NLGN1: variants seen among roughly 807,000 people sequenced by gnomAD.
NLGN1 encodes neuroligin 1, also known as neuroligin-1.
In NLGN1, 12 loss-of-function variants were observed where a neutral mutation model predicts 65.5. That is an observed-to-expected ratio of 0.18 (90% CI 0.12 to 0.30). The LOEUF (loss-of-function observed/expected upper bound fraction) is 0.30. Among genes scored for constraint, NLGN1 ranks in the 10% least tolerant of loss-of-function variants. NLGN1 has a pLI of 1.00. For synonymous variants in NLGN1, 350 were observed against 359.5 expected, an observed-to-expected ratio of 0.97 and a Z score of 0.30; for missense variants, 750 against 1,007.1, an observed-to-expected ratio of 0.74 and a Z score of 3.46.
At chr3:173,866,674 A>C (rs1473273486) in intron 4 of NLGN1, among the ~76,000 whole-genome samples, 1 of 152,202 alleles carries the variant, frequency 6.6e-6, no homozygotes, top group African/African-American at 2.4e-5. Flanking sequence ...TTTTATATAA[A>C]AAGAAATCTC....
At chr3:174,199,712 A>C (rs1734093415) in intron 4 of NLGN1, among the ~76,000 whole-genome samples, 1 of 152,176 alleles carries the variant, frequency 6.6e-6, no homozygotes, top group South Asian at 2.1e-4. Context: ...TGGTGCCATA[A>C]ATTCCATTTT....
intron 4 of NLGN1, among the ~76,000 whole-genome samples, chr3:174,071,642 A>G (rs533792444): frequency 9.3e-5 from 14 of 151,008 alleles, no homozygotes; most frequent in Admixed American, 8.6e-4. Context: ...GGAGGAGAAG[A>G]TTGCAGTGAG....
At chr3:173,788,295 T>C (rs533740166) in intron 3 of NLGN1, among the ~76,000 whole-genome samples, 1 of 151,036 alleles carries the variant, frequency 6.6e-6, no homozygotes, top group Admixed American at 6.6e-5. Flanking sequence ...AAATATTAAA[T>C]AGTAAATGGA....
chr3:173,616,061 G>A (rs1368877933), intron 3 of NLGN1, among the ~76,000 whole-genome samples: 24 of 151,990 alleles, frequency 1.6e-4, no homozygotes, highest in Admixed American at 1.5e-3. Context: ...AGGAAAGGAG[G>A]CAAGGGGCAT....
At chr3:174,239,982 T>C (rs1190549727) in intron 4 of NLGN1, among the ~76,000 whole-genome samples, 1 of 152,162 alleles carries the variant, frequency 6.6e-6, no homozygotes, top group East Asian at 1.9e-4. Flanking sequence ...CCCCAGAATA[T>C]AATTTTTAGA....
chr3:173,659,622 T>TTA (rs1021893133), intron 3 of NLGN1, among the ~76,000 whole-genome samples: 4 of 151,798 alleles, frequency 2.6e-5, no homozygotes, highest in Non-Finnish European at 5.9e-5. Context: ...ATTGGGTTTA[T>TTA]TATATATATA....
rs142968370 is a variant in NLGN1, at chr3:173,491,737, G to A, written c.-321+56659G>A. ...ATGACTTCCATATCTATATCTCTAG[G>A]ATGGTTCTTATTTTCCTTGATACGT... On this transcript the variant is annotated intron_variant, in intron 2 of 6. Coordinates refer to ENST00000457714, the Ensembl canonical transcript of NLGN1. 5.3e-4 allele frequency among the ~76,000 whole-genome samples: 80 copies of A among 151,698 alleles called. 1 individual carries two copies. The highest frequency in any genetic ancestry group is 1.9e-3 in the African/African-American group (77 of 41,136).
Position 174,036,499 on chromosome 3 carries a change from G to A in NLGN1, c.646+228667G>A, listed in dbSNP as rs151270681. Among the ~76,000 whole-genome samples, 191 of 151,500 alleles carry A rather than the reference G, an allele frequency of 1.3e-3. 2 individuals are homozygous for A. The highest frequency in any genetic ancestry group is 4.4e-3 in the South Asian group (21 of 4,794). On this transcript the variant is annotated intron_variant, in intron 4 of 6. Coordinates refer to ENST00000457714, the Ensembl canonical transcript of NLGN1. ...ATTAAGTTACAAGCTTGGAGGCCAC[G>A]AACTCCTTGGAAGAGATAGTAGGGA...
At chr3:174,163,027 G>A (rs1245898792) in intron 4 of NLGN1, among the ~76,000 whole-genome samples, 1 of 151,818 alleles carries the variant, frequency 6.6e-6, no homozygotes, top group African/African-American at 2.4e-5. Context: ...TCACAAGCAA[G>A]TTCCCTGGAT....
chr3:173,498,968 G>A (rs1476032540), intron 2 of NLGN1, among the ~76,000 whole-genome samples: 1 of 151,434 alleles, frequency 6.6e-6, no homozygotes, highest in Non-Finnish European at 1.5e-5. Context: ...TTTGTCAGAT[G>A]AGTAGATTGC....
intron 4 of NLGN1, among the ~76,000 whole-genome samples, chr3:173,990,986 GAGCTTCTCC>G (rs1720984336): frequency 6.6e-6 from 1 of 152,060 alleles, no homozygotes; most frequent in Non-Finnish European, 1.5e-5. Flanking sequence ...CATACATGCA[GAGCTTCTCC>G]AGTTATCAAC....
chr3:173,758,720 A>T (rs1777507739), intron 3 of NLGN1, among the ~76,000 whole-genome samples: 1 of 152,010 alleles, frequency 6.6e-6, no homozygotes, highest in Admixed American at 6.6e-5. Context: ...GCAATTCTTT[A>T]AGTGATTCTC....
intron 4 of NLGN1, among the ~76,000 whole-genome samples, chr3:173,817,909 C>T (rs1719363541): frequency 6.6e-6 from 1 of 152,090 alleles, no homozygotes; most frequent in Admixed American, 6.6e-5. Context: ...TTGTTAAGAT[C>T]AGTGATTTGG....
rs180984476 is a variant in NLGN1 at position 173,787,116 on chromosome 3, T to G, written c.494-20564T>G. 2.0e-5 allele frequency among the ~76,000 whole-genome samples: 3 copies of G among 152,094 alleles called. No individual in the cohort carries two copies. In the East Asian group the frequency reaches 5.8e-4, roughly 29 times the overall value. ...AGAAGAAAGATATTGGAGTGATTAT[T>G]CCCTTATAAGACTTGTTTACCCAAG... On this transcript the variant is annotated intron_variant, in intron 3 of 6. Transcript: ENST00000457714.
chr3:173,452,007 C>G (rs367922384), intron 2 of NLGN1, among the ~76,000 whole-genome samples: 2 of 152,208 alleles, frequency 1.3e-5, no homozygotes, highest in African/African-American at 4.8e-5. Flanking sequence ...TTGTGCTTCC[C>G]GGGTGAGGCG....
chr3:174,104,085 G>A (rs909570379), intron 4 of NLGN1, among the ~76,000 whole-genome samples: 10 of 151,520 alleles, frequency 6.6e-5, no homozygotes, highest in South Asian at 4.2e-4. Context: ...TTTTCATTTC[G>A]CAGTCTTTTG....
At chr3:173,573,390 T>C (rs918368971) in intron 2 of NLGN1, among the ~76,000 whole-genome samples, 17 of 152,172 alleles carry the variant, frequency 1.1e-4, no homozygotes, top group Non-Finnish European at 1.9e-4. Flanking sequence ...TAAGTGTGCA[T>C]GCCTTCAAGT....
At chr3:173,420,225 A>C in intron 1 of NLGN1, among the ~76,000 whole-genome samples, 2 of 148,390 alleles carry the variant, frequency 1.3e-5, no homozygotes, top group Non-Finnish European at 3.0e-5. Context: ...GTCCCTCCCC[A>C]CTCCTCCCAC....
Position 173,862,623 on chromosome 3 carries a change from G to A in NLGN1, c.646+54791G>A, listed in dbSNP as rs189579546. 9.0e-4 allele frequency among the ~76,000 whole-genome samples: 136 copies of A among 151,042 alleles called. 1 individual carries two copies. The highest frequency in any genetic ancestry group is 1.1e-3 in the Non-Finnish European group (76 of 67,850). On this transcript the variant is annotated intron_variant, in intron 4 of 6. Coordinates refer to ENST00000457714, the Ensembl canonical transcript of NLGN1. ...CGCATATATGTTTGTATTAATCAAT[G>A]CCTAAAAATATCCAGAAAGGGAAAC...
Sources: gnomAD v4.1 joint callset for allele counts (sites outside exome capture counted in the v4.1 genomes callset) on GRCh38, gnomAD v4.1.1 for gene constraint, MANE v1.5 for transcripts, NCBI Gene and HGNC (gene_info 2026-07-23, HGNC 2026-07-21) for gene names.